COX7A2L: variants seen among roughly 807,000 people sequenced by gnomAD.
The protein encoded by COX7A2L is cytochrome c oxidase subunit 7A2-like, mitochondrial.
COX7A2L carries 18 observed loss-of-function variants against 14.2 expected under a neutral mutation model. The ratio of observed to expected loss-of-function variants is 1.27; its 90% CI spans 0.88 to 1.88. The LOEUF is 1.88. Among genes scored for constraint, COX7A2L ranks in the 40% most tolerant of loss-of-function variants. The probability of loss-of-function intolerance (pLI) is 0.00; values close to 1 mark genes in which losing one functional copy is unlikely to be tolerated. For missense variants in COX7A2L, 179 were observed against 138.8 expected (o/e 1.29, Z -1.46); for synonymous variants, 65 against 57.4 (o/e 1.13, Z -0.60).
chr2:42,355,785 G>A (rs2103899436), intron 1 of COX7A2L, among the ~76,000 whole-genome samples: 1 of 136,840 alleles, frequency 7.3e-6, no homozygotes, highest in Non-Finnish European at 1.5e-5. Context: ...GAGTGCAGTG[G>A]TGCAATCTCG....
At chr2:42,335,920 G>C (rs1471735400) in intron 2 of COX7A2L, among the ~76,000 whole-genome samples, 4 of 152,216 alleles carry the variant, frequency 2.6e-5, no homozygotes, top group African/African-American at 9.6e-5. Flanking sequence ...CCACAGCATG[G>C]GGCAGAGGAA....
At chr2:42,362,838 T>C (rs1329605012), upstream of COX7A2L, among the ~76,000 whole-genome samples, 1 of 151,644 alleles carries the variant, frequency 6.6e-6, no homozygotes, top group Admixed American at 6.6e-5. Context: ...TCTCCAAGGA[T>C]AAGTGGTTTG....
intron 2 of COX7A2L, among the ~76,000 whole-genome samples, chr2:42,352,698 A>C (rs1164968553): frequency 6.6e-6 from 1 of 152,098 alleles, no homozygotes; most frequent in African/African-American, 2.4e-5. Flanking sequence ...TTTCTCAATA[A>C]TTTGCAGGTA....
At position 42,342,542 on chromosome 2, in the gene COX7A2L, C is replaced by T. The variant is rs910423095; in HGVS notation, c.193-8673G>A. On this transcript the variant is annotated intron_variant, in intron 2 of 2. Coordinates refer to the COX7A2L transcript ENST00000468711. The surrounding 1 kb of genome is among the most constrained non-coding windows in gnomAD (Gnocchi z 4.9). The stretch of plus-strand genomic sequence containing the variant: ...ACCTTCTCTGCCAAAGGGGAGGCAA[C>T]GCCACCATTTCTCACAGCCTGGGGC... Among the ~76,000 whole-genome samples, 12 of 152,132 alleles carry T rather than the reference C, an allele frequency of 7.9e-5. No homozygotes were observed. The highest frequency in any genetic ancestry group is 2.7e-4 in the African/African-American group (11 of 41,422).
chr2:42,341,387 C>T (rs1347441934), intron 2 of COX7A2L, among the ~76,000 whole-genome samples: 1 of 152,230 alleles, frequency 6.6e-6, no homozygotes, highest in African/African-American at 2.4e-5. Flanking sequence ...CCTGGGCAGA[C>T]CATGCCTCAC....
At chr2:42,343,587 C>A (rs1259235979) in intron 2 of COX7A2L, among the ~76,000 whole-genome samples, 1 of 152,130 alleles carries the variant, frequency 6.6e-6, no homozygotes, top group Admixed American at 6.6e-5. Flanking sequence ...GTGACCCAGC[C>A]TAGGAGGTGT....
chr2:42,359,490 A>C (rs1378528218), intron 1 of COX7A2L: 1 of 152,206 alleles, frequency 6.6e-6, no homozygotes, highest in African/African-American at 2.4e-5. Context: ...GAAGCAGATG[A>C]TAGAAATGGC....
At chr2:42,366,200 C>T (rs1477301280), upstream of COX7A2L, among the ~76,000 whole-genome samples, 1 of 152,132 alleles carries the variant, frequency 6.6e-6, no homozygotes, top group Non-Finnish European at 1.5e-5. Context: ...GAGGCCAAGA[C>T]CAGCGGATCA....
At chr2:42,364,350 G>A (rs913897344), upstream of COX7A2L, among the ~76,000 whole-genome samples, 1 of 152,044 alleles carries the variant, frequency 6.6e-6, no homozygotes, top group Non-Finnish European at 1.5e-5. Flanking sequence ...CGTTTCTGAA[G>A]GATTTTGCCC....
chr2:42,345,056 C>T (rs1298258956), downstream of COX7A2L, among the ~76,000 whole-genome samples: 2 of 152,126 alleles, frequency 1.3e-5, no homozygotes, highest in Non-Finnish European at 1.5e-5. Context: ...TCTTTGAACT[C>T]CTGAGTTATA....
Position 42,351,054 on chromosome 2 carries a change from C to A in COX7A2L, c.*165G>T, listed in dbSNP as rs1206508357. The A allele has an allele frequency of 1.9e-5, 13 of 697,916 alleles. No homozygotes were observed. Among genetic ancestry groups the A allele is most frequent in the Non-Finnish European group, 2.8e-5 (12 of 434,064 alleles). The allele number at this position is 697,916 out of a possible 1,614,324, so 43.2% of individuals were successfully genotyped here. On this transcript the variant is annotated 3_prime_UTR_variant, in exon 3 of 3. Transcript: ENST00000234301. Reference sequence around the variant, plus strand: ...TAACTGTCGAATGAGCTCTGACAAGCCATATGCATTTCATAAACAAACCAA... The same window carrying A: ...TAACTGTCGAATGAGCTCTGACAAGACATATGCATTTCATAAACAAACCAA...
upstream of COX7A2L, among the ~76,000 whole-genome samples, chr2:42,365,242 G>T (rs539465031): frequency 6.6e-6 from 1 of 152,288 alleles, no homozygotes; most frequent in Admixed American, 6.5e-5. Flanking sequence ...CATCATTGAG[G>T]ATTCCCACTC....
rs950193485 is a variant in COX7A2L, at chr2:42,338,863, G to A, written c.193-4994C>T. ...ATCTCCCATGTCTAGAAAGGAAAAA[G>A]AGAAGATGAAGGCCTTGCCCACATC... is the stretch of plus-strand genomic sequence containing the variant. On this transcript the variant is annotated intron_variant, in intron 2 of 2. Coordinates refer to the COX7A2L transcript ENST00000468711. The surrounding 1 kb of genome is among the most constrained non-coding windows in gnomAD (Gnocchi z 4.4). Among the ~76,000 whole-genome samples the A allele has an allele frequency of 2.6e-5, 4 of 152,224 alleles. No individual in the cohort carries two copies. Among genetic ancestry groups the A allele is most frequent in the Non-Finnish European group, 5.9e-5 (4 of 68,042 alleles).
At chr2:42,356,169 T>A (rs1335107091) in intron 1 of COX7A2L, among the ~76,000 whole-genome samples, 2 of 152,158 alleles carry the variant, frequency 1.3e-5, no homozygotes, top group East Asian at 3.9e-4. Flanking sequence ...CTTCTCCAGG[T>A]ATCCACGTGG....
At chr2:42,359,457 T>C (rs369221243) in intron 1 of COX7A2L, 20 of 152,288 alleles carry the variant, frequency 1.3e-4, no homozygotes, top group African/African-American at 4.8e-4. Context: ...TTAATATCCA[T>C]ACACTGGAGA....
At chr2:42,353,146 T>G in intron 2 of COX7A2L, 66 bp downstream of exon 2, 1 of 1,569,174 alleles carries the variant, frequency 6.4e-7, no homozygotes, top group African/African-American at 1.4e-5. Context: ...AAGATTTAGT[T>G]TCATAAGGGA....
chr2:42,344,782 C>T (rs2103878482), downstream of COX7A2L, among the ~76,000 whole-genome samples: 1 of 151,232 alleles, frequency 6.6e-6, no homozygotes, highest in Non-Finnish European at 1.5e-5. Context: ...ACCCAGGAGG[C>T]GGAGCTTGCA....
chr2:42,344,778 G>C (rs921121103), downstream of COX7A2L, among the ~76,000 whole-genome samples: 1 of 151,980 alleles, frequency 6.6e-6, no homozygotes, highest in African/African-American at 2.4e-5. Context: ...GTGAACCCAG[G>C]AGGCGGAGCT....
chr2:42,340,331 G>A (rs570332091), intron 2 of COX7A2L, among the ~76,000 whole-genome samples: 17 of 152,134 alleles, frequency 1.1e-4, no homozygotes, highest in Middle Eastern at 3.4e-3. Flanking sequence ...TCGTGCCCTC[G>A]GCTGTCACTC....
Sources: allele counts gnomAD v4.1 joint callset (sites outside exome capture counted in the v4.1 genomes callset), GRCh38; gene constraint gnomAD v4.1.1; non-coding constraint Gnocchi (gnomAD v3.1); transcripts MANE v1.5; gene names NCBI Gene and HGNC (gene_info 2026-07-23, HGNC 2026-07-21).